The following CDIN1 variants were observed in gnomAD, a reference collection of about 807,000 sequenced individuals.
CDIN1 encodes CDAN1-interacting nuclease 1.
Under a neutral mutation model 45.3 loss-of-function variants are expected in CDIN1, and 33 were observed. The ratio of observed to expected loss-of-function variants is 0.73; its 90% CI spans 0.55 to 0.97. The LOEUF is 0.97. Among genes scored for constraint, CDIN1 ranks in the 50% least tolerant of loss-of-function variants. The pLI is 0.00. For synonymous variants in CDIN1, 118 were observed against 124.4 expected, an observed-to-expected ratio of 0.95 and a Z score of 0.34; for missense variants, 303 against 339.4, an observed-to-expected ratio of 0.89 and a Z score of 0.84.
intron 8 of CDIN1, chr15:36,709,019 A>G: frequency 2.5e-6 from 1 of 399,574 alleles, no homozygotes; most frequent in Non-Finnish European, 4.4e-6. Flanking sequence ...GCAGAAAAAT[A>G]ATGAAAGAAG....
At chr15:36,605,858 T>G (rs1357410249) in intron 1 of CDIN1, among the ~76,000 whole-genome samples, 1 of 152,160 alleles carries the variant, frequency 6.6e-6, no homozygotes, top group Non-Finnish European at 1.5e-5. Context: ...GTGAAGTGCT[T>G]TTAAGTTTTC....
chr15:36,798,106 G>C (rs2054880319), intron 10 of CDIN1, among the ~76,000 whole-genome samples: 2 of 149,414 alleles, frequency 1.3e-5, no homozygotes, highest in Admixed American at 6.6e-5. Flanking sequence ...AGGGACTGTA[G>C]AGTGATATTC....
rs139879318 is a variant in CDIN1, at chr15:36,665,763, A to T, written c.346+7858A>T. The stretch of plus-strand genomic sequence containing the variant: ...GGTTCATAATGTATAGTGCTTATGT[A>T]TGCTAAATTTTCTGGTACAATCCTG... On this transcript the variant is annotated intron_variant, in intron 5 of 10. Coordinates refer to ENST00000566621, the MANE Select transcript of CDIN1 (RefSeq NM_001321759.2). Among the ~76,000 whole-genome samples, 11 of 152,316 alleles carry T rather than the reference A, an allele frequency of 7.2e-5. No individual in the cohort carries two copies. The East Asian group carries it at 2.1e-3, about 29-fold the overall frequency.
rs2055302024 is a variant in CDIN1, at chr15:36,808,432, C to G, written c.825C>G (p.Thr275=). The G allele has an allele frequency of 1.9e-6, 3 of 1,613,380 alleles. No homozygotes were observed. The highest frequency in any genetic ancestry group is 1.1e-5 in the South Asian group (1 of 91,066). The change falls in exon 11 of 11, where the codon ACC becomes ACG. Residue 275 remains threonine, a synonymous_variant. Coordinates refer to ENST00000566621, the MANE Select transcript of CDIN1 (RefSeq NM_001321759.2). The part of the protein sequence containing the change: ...LKACFPTNIV[T]LCHSIA ...CCTGTTTCCCCACGAACATTGTCACCTTATGCCACAGCATAGCTTGACCCT... is the reference window on the plus strand; with the variant it reads ...CCTGTTTCCCCACGAACATTGTCACGTTATGCCACAGCATAGCTTGACCCT...
intron 10 of CDIN1, among the ~76,000 whole-genome samples, chr15:36,736,105 T>C (rs529144847): frequency 1.1e-4 from 16 of 152,296 alleles, no homozygotes; most frequent in Admixed American, 5.9e-4. Flanking sequence ...CTGTCCCCAT[T>C]ATCTACCTTC....
chr15:36,616,028 G>T (rs938967963), intron 1 of CDIN1, among the ~76,000 whole-genome samples: 2 of 152,160 alleles, frequency 1.3e-5, no homozygotes, highest in African/African-American at 4.8e-5. Context: ...CATCGATGGG[G>T]GAAAATGGAT....
At chr15:36,722,472 C>G (rs1265419351) in intron 10 of CDIN1, among the ~76,000 whole-genome samples, 1 of 152,118 alleles carries the variant, frequency 6.6e-6, no homozygotes, top group African/African-American at 2.4e-5. Flanking sequence ...AATAAGCATA[C>G]GGTTGTTAGA....
At chr15:36,793,238 C>T (rs558988648) in intron 10 of CDIN1, among the ~76,000 whole-genome samples, 2 of 152,238 alleles carry the variant, frequency 1.3e-5, no homozygotes, top group South Asian at 4.1e-4. Context: ...TACTGAGAGT[C>T]CCTGAAAGAC....
intron 5 of CDIN1, among the ~76,000 whole-genome samples, chr15:36,668,775 A>G (rs569899962): frequency 5.8e-4 from 89 of 152,218 alleles, no homozygotes; most frequent in Non-Finnish European, 1.1e-3. Context: ...GTTTGATCCT[A>G]TACTAGCTGT....
At chr15:36,788,106 A>ATATATATTTTT (rs1343541345) in intron 10 of CDIN1, among the ~76,000 whole-genome samples, 3 of 50,528 alleles carry the variant, frequency 5.9e-5, no homozygotes, top group African/African-American at 2.3e-4. Flanking sequence ...ATATATATAT[A>ATATATATTTTT]TTTTTTTTTT....
At position 36,754,566 on chromosome 15, in the gene CDIN1, TAA is replaced by T. The variant is rs5811936; in HGVS notation, c.716+44624_716+44625del. ...AAAATACTAAGTTGATGGTCTCTCT[TAA>T]AAAAAAAAAAAAAAAAAAGGCCAAG... On this transcript the variant is annotated intron_variant, in intron 10 of 10. Transcript: ENST00000566621. 4.9e-3 allele frequency among the ~76,000 whole-genome samples: 506 copies of T among 102,444 alleles called. 1 individual carries two copies. Among genetic ancestry groups the T allele is most frequent in the African/African-American group, 0.016 (457 of 28,004 alleles). 67.2% of individuals were successfully genotyped at this position (102,444 alleles called of 152,430 possible).
chr15:36,698,465 A>G (rs1040220419), intron 8 of CDIN1, among the ~76,000 whole-genome samples: 1 of 152,164 alleles, frequency 6.6e-6, no homozygotes, highest in East Asian at 1.9e-4. Flanking sequence ...TCATATGGGG[A>G]CAGTTGAATT....
intron 10 of CDIN1, among the ~76,000 whole-genome samples, chr15:36,717,472 G>T (rs562512944): frequency 1.3e-5 from 2 of 152,196 alleles, no homozygotes; most frequent in African/African-American, 4.8e-5. Context: ...ATTATTTCAG[G>T]ATAATATATG....
intron 10 of CDIN1, among the ~76,000 whole-genome samples, chr15:36,772,277 C>T (rs572381881): frequency 6.6e-6 from 1 of 152,096 alleles, no homozygotes; most frequent in South Asian, 2.1e-4. Flanking sequence ...TAGTTGAAGG[C>T]TTTACTTACT....
chr15:36,777,832 A>G lies in CDIN1; in HGVS notation c.717-30492A>G, dbSNP rs145594149. Among the ~76,000 whole-genome samples the G allele has an allele frequency of 1.8e-3, 273 of 152,258 alleles. 1 individual carries two copies. The highest frequency in any genetic ancestry group is 6.4e-3 in the African/African-American group (267 of 41,546). ...TGCCATGTTGCACAGGCTGGTCTCG[A>G]ACTCCTGGGCTCAAACCATCTGCCC... On this transcript the variant is annotated intron_variant, in intron 10 of 10. Coordinates refer to ENST00000566621, the MANE Select transcript of CDIN1 (RefSeq NM_001321759.2).
intron 1 of CDIN1, among the ~76,000 whole-genome samples, chr15:36,616,287 AT>A (rs71309428): frequency 3.1e-4 from 44 of 143,686 alleles, no homozygotes; most frequent in Non-Finnish European, 2.3e-4. Context: ...TTTTTCTTTC[AT>A]TTTTTTTTTT....
chr15:36,752,423 A>G (rs1202871227), intron 10 of CDIN1, among the ~76,000 whole-genome samples: 1 of 152,212 alleles, frequency 6.6e-6, no homozygotes, highest in East Asian at 1.9e-4. Flanking sequence ...TCTGTTTTGA[A>G]GTGACTTTTA....
intron 1 of CDIN1, among the ~76,000 whole-genome samples, chr15:36,583,997 C>G (rs2037173273): frequency 6.6e-6 from 1 of 152,062 alleles, no homozygotes; most frequent in Non-Finnish European, 1.5e-5. Context: ...GCCTGGGTGA[C>G]AGAGCAACAC....
At chr15:36,692,070 C>A in intron 6 of CDIN1, 56 bp from the exon 7 acceptor site, 1 of 1,527,646 alleles carries the variant, frequency 6.5e-7, no homozygotes, top group Non-Finnish European at 9.0e-7. Flanking sequence ...ATATTGTTTA[C>A]TGTAATAGTT....
Sources: gnomAD v4.1 joint callset for allele counts (sites outside exome capture counted in the v4.1 genomes callset) on GRCh38, gnomAD v4.1.1 for gene constraint, MANE v1.5 for transcripts, NCBI Gene and HGNC (gene_info 2026-07-23, HGNC 2026-07-21) for gene names.